STXBP5L: variants seen among roughly 807,000 people sequenced by gnomAD.
STXBP5L encodes the protein syntaxin-binding protein 5-like.
In STXBP5L, 65 loss-of-function variants were observed where a neutral mutation model predicts 144.5. The ratio of observed to expected loss-of-function variants is 0.45; its 90% CI spans 0.37 to 0.55. STXBP5L has a LOEUF of 0.55. STXBP5L is among the 20% of genes least tolerant of loss of function. The pLI is 0.00. For missense variants in STXBP5L, 1,298 were observed against 1,405.5 expected (o/e 0.92, Z 1.22); for synonymous variants, 505 against 469.6 (o/e 1.08, Z -0.97).
At chr3:121,316,424 T>C (rs1447101189) in intron 19 of STXBP5L, among the ~76,000 whole-genome samples, 1 of 152,194 alleles carries the variant, frequency 6.6e-6, no homozygotes, top group East Asian at 1.9e-4. Flanking sequence ...AAAATTTTGA[T>C]GAAACTCTTT....
chr3:121,114,355 A>C (rs1165914226), intron 5 of STXBP5L, among the ~76,000 whole-genome samples: 2 of 152,154 alleles, frequency 1.3e-5, no homozygotes, highest in Non-Finnish European at 2.9e-5. Flanking sequence ...ATAAAAACTA[A>C]ATAATTTATC....
chr3:121,189,602 C>G (rs1023370191), intron 9 of STXBP5L, among the ~76,000 whole-genome samples: 1 of 152,164 alleles, frequency 6.6e-6, no homozygotes, highest in Non-Finnish European at 1.5e-5. Context: ...GGAACCAGTA[C>G]CATGCTGTTT....
chr3:121,353,485 A>G (rs1202113568), intron 20 of STXBP5L, among the ~76,000 whole-genome samples: 1 of 152,118 alleles, frequency 6.6e-6, no homozygotes, highest in African/African-American at 2.4e-5. Context: ...TGTTTATAGT[A>G]TTCTCCAAAG....
intron 3 of STXBP5L, among the ~76,000 whole-genome samples, chr3:120,989,126 G>A (rs990171360): frequency 6.6e-6 from 1 of 152,040 alleles, no homozygotes; most frequent in African/African-American, 2.4e-5. Context: ...TGTGCTAAAT[G>A]TATAAGTGCA....
chr3:121,167,178 C>T (rs193219054), intron 9 of STXBP5L, among the ~76,000 whole-genome samples: 30 of 152,252 alleles, frequency 2.0e-4, no homozygotes, highest in Admixed American at 1.6e-3. Flanking sequence ...CACATATCAA[C>T]ACCTCCACAC....
intron 20 of STXBP5L, among the ~76,000 whole-genome samples, chr3:121,348,403 T>C (rs2045103512): frequency 6.6e-6 from 1 of 152,140 alleles, no homozygotes; most frequent in East Asian, 1.9e-4. Flanking sequence ...ATCAGGGATA[T>C]TGGTCTAAAA....
chr3:121,026,369 C>A (rs993937853), intron 3 of STXBP5L, among the ~76,000 whole-genome samples: 1 of 152,004 alleles, frequency 6.6e-6, no homozygotes, highest in Non-Finnish European at 1.5e-5. Context: ...TAAGAGACAA[C>A]CACAAAACAC....
chr3:121,189,793 A>T (rs548294330), intron 9 of STXBP5L, among the ~76,000 whole-genome samples: 4 of 152,056 alleles, frequency 2.6e-5, no homozygotes, highest in Admixed American at 2.6e-4. Flanking sequence ...TATACATTTG[A>T]CTCATTTTTC....
At chr3:121,338,446 C>A (rs932638721) in intron 20 of STXBP5L, among the ~76,000 whole-genome samples, 1 of 151,426 alleles carries the variant, frequency 6.6e-6, no homozygotes, top group African/African-American at 2.4e-5. Flanking sequence ...GAGTTTGAGA[C>A]CAGCCTAGCC....
At chr3:120,975,908 T>C (rs1290749873) in intron 3 of STXBP5L, among the ~76,000 whole-genome samples, 2 of 152,158 alleles carry the variant, frequency 1.3e-5, no homozygotes, top group African/African-American at 4.8e-5. Context: ...TTGATCATGG[T>C]GGATAAGCTT....
intron 19 of STXBP5L, chr3:121,282,422 T>G: frequency 7.7e-7 from 1 of 1,302,118 alleles, no homozygotes; most frequent in Non-Finnish European, 1.1e-6. Flanking sequence ...AGTAATGTGT[T>G]TCTTAAAACA....
chr3:121,133,353 A>T (rs1005304451), intron 7 of STXBP5L, among the ~76,000 whole-genome samples: 8 of 152,214 alleles, frequency 5.3e-5, no homozygotes, highest in Admixed American at 1.3e-4. Flanking sequence ...TCAGAAGTCA[A>T]GGACAAAGAA....
intron 16 of STXBP5L, among the ~76,000 whole-genome samples, chr3:121,255,328 AT>A (rs1439042077): frequency 6.6e-6 from 1 of 151,994 alleles, no homozygotes; most frequent in African/African-American, 2.4e-5. Flanking sequence ...AAAACTTGGT[AT>A]TTTTTTCAAT....
At chr3:121,205,383 C>T (rs1226757442) in intron 9 of STXBP5L, among the ~76,000 whole-genome samples, 2 of 152,164 alleles carry the variant, frequency 1.3e-5, no homozygotes, top group Non-Finnish European at 2.9e-5. Flanking sequence ...GAAACCCACT[C>T]CCATGATAAC....
intron 2 of STXBP5L, among the ~76,000 whole-genome samples, chr3:120,925,641 G>A (rs1212955137): frequency 6.6e-6 from 1 of 152,144 alleles, no homozygotes; most frequent in Non-Finnish European, 1.5e-5. Context: ...TTACATTCAA[G>A]ATAATTATTG....
intron 5 of STXBP5L, among the ~76,000 whole-genome samples, chr3:121,105,093 A>T (rs60705137): frequency 0.019 from 2,928 of 152,234 alleles, 102 homozygotes; most frequent in African/African-American, 0.067. Context: ...ATGAATAGAC[A>T]GTTCTCAAAA....
intron 10 of STXBP5L, among the ~76,000 whole-genome samples, chr3:121,208,282 A>T (rs910187193): frequency 7.1e-6 from 1 of 141,190 alleles, no homozygotes; most frequent in Non-Finnish European, 1.5e-5. Context: ...GAACTGAACA[A>T]TGAGAACACT....
chr3:120,960,254 AAAC>A (rs1242151298), intron 3 of STXBP5L, among the ~76,000 whole-genome samples: 2 of 152,160 alleles, frequency 1.3e-5, no homozygotes, highest in Non-Finnish European at 2.9e-5. Context: ...AAAAGTCAGG[AAAC>A]AACAGGTGCT....
chr3:121,152,734 T>C (rs2045974392), intron 8 of STXBP5L, among the ~76,000 whole-genome samples, 174 bp downstream of exon 8: 1 of 152,152 alleles, frequency 6.6e-6, no homozygotes, highest in South Asian at 2.1e-4. Context: ...GATTTTTCTT[T>C]TAAGAGGAAA....
Sources: gnomAD v4.1 joint callset for allele counts (sites outside exome capture counted in the v4.1 genomes callset) on GRCh38, gnomAD v4.1.1 for gene constraint, MANE v1.5 for transcripts, NCBI Gene and HGNC (gene_info 2026-07-23, HGNC 2026-07-21) for gene names.